The following ESPN variants were observed in gnomAD, a reference collection of about 807,000 sequenced individuals.
The protein encoded by ESPN is espin, also known as autosomal recessive deafness type 36 protein.
Under a neutral mutation model 77.7 loss-of-function variants are expected in ESPN, and 68 were observed. That is an observed-to-expected ratio of 0.87 (90% CI 0.72 to 1.07). ESPN has a LOEUF of 1.07. ESPN is among the 50% of genes least tolerant of loss of function. ESPN has a pLI of 0.00. For missense variants in ESPN, 1,060 were observed against 1,239.0 expected (o/e 0.86, Z 2.17); for synonymous variants, 449 against 567.1 (o/e 0.79, Z 2.96).
chr1:6,437,152 G>A lies in ESPN; in HGVS notation c.489-3102G>A, dbSNP rs1019907054. 13 of 152,216 alleles carry A rather than the reference G, an allele frequency of 8.5e-5. No homozygotes were observed. Among genetic ancestry groups the A allele is most frequent in the Non-Finnish European group, 1.3e-4 (9 of 68,042 alleles). 9.4% of individuals were successfully genotyped at this position (152,216 alleles called of 1,614,324 possible). On this transcript the variant is annotated intron_variant, in intron 2 of 12. Coordinates refer to ENST00000645284, the MANE Select transcript of ESPN (RefSeq NM_031475.3). This position sits in a 1 kb window ranked among gnomAD's most constrained non-coding sequence, Gnocchi z 4.5. ...GGGCTCATTCCGTGCCAGGAACTTGGGCTGGGAATGCCAGCCAGCGGCCCT... is the reference window on the plus strand; with the variant it reads ...GGGCTCATTCCGTGCCAGGAACTTGAGCTGGGAATGCCAGCCAGCGGCCCT...
Position 6,440,816 on chromosome 1 carries a change from C to T in ESPN, c.858+8C>T, listed in dbSNP as rs748677702. ...GAGAACGGGGAGCTAGAGGTCAGCG[C>T]GGGCCCGGGGTGGGGGCGCGCGCCC... On this transcript the variant is annotated splice_region_variant and intron_variant, in intron 4 of 12. Transcript: ENST00000645284. The T allele has an allele frequency of 8.4e-5, 124 of 1,478,450 alleles. No individual in the cohort carries two copies. The highest frequency in any genetic ancestry group is 1.1e-4 in the Non-Finnish European group (119 of 1,123,222). The allele number at this position is 1,478,450 out of a possible 1,614,324, so 91.6% of individuals were successfully genotyped here.
In ESPN at chr1:6,451,274, A is replaced by C; in HGVS notation, c.1916-329A>C. 4.8e-6 allele frequency: 2 copies of C among 415,330 alleles called. No individual in the cohort carries two copies. The highest frequency in any genetic ancestry group is 4.5e-6 in the Non-Finnish European group (1 of 220,748). 25.7% of individuals were successfully genotyped at this position (415,330 alleles called of 1,614,324 possible). A position where few individuals can be genotyped will look rare whatever the true frequency, so the allele number is the denominator to read the frequency against. On this transcript the variant is annotated intron_variant, in intron 8 of 12. Transcript: ENST00000645284. The surrounding 1 kb of genome is among the most constrained non-coding windows in gnomAD (Gnocchi z 4.3). ...AAAGGTCAGGTGGCTGATTCCAGGT[A>C]GTGTTTTGGAGCTGGGCAGTCAGTG...
chr1:6,448,839 C>T lies in ESPN; in HGVS notation c.1663C>T (p.Arg555Cys), dbSNP rs1415264042. ...CCAGCCCGCGCGCGCCGGCTGCCCG[C>T]GCCTCGGCCCTGCCGCCCGCGGCTC... ...ARQPARAGCP[R>C]LGPAARGSLE... Residue 555 changes from arginine to cysteine, a missense_variant, in exon 8 of 13, where the codon CGC becomes TGC. Arg to Cys is a radical substitution (Grantham distance 180). This residue lies in a region of ESPN where 130 missense variants were observed against 223.9 expected (regional missense o/e 0.58). Coordinates refer to ENST00000645284, the MANE Select transcript of ESPN (RefSeq NM_031475.3). 1.6e-6 allele frequency: 2 copies of T among 1,238,176 alleles called. No individual in the cohort carries two copies. The highest frequency in any genetic ancestry group is 1.6e-5 in the African/African-American group (1 of 63,624). The allele number at this position is 1,238,176 out of a possible 1,614,324, so 76.7% of individuals were successfully genotyped here. A position where few individuals can be genotyped will look rare whatever the true frequency, so the allele number is the denominator to read the frequency against.
rs574770313 is a variant in ESPN at position 6,452,450 on chromosome 1, G to A, written c.2325+354G>A. ...ATTACAGGCATGAACCACCGTGCCC[G>A]GCCATTTTCTTTAGGGAAAGCAGGG... On this transcript the variant is annotated intron_variant, in intron 10 of 12. Transcript: ENST00000645284. Among the ~76,000 whole-genome samples, 7 of 152,180 alleles carry A rather than the reference G, an allele frequency of 4.6e-5. No individual in the cohort carries two copies. The South Asian group carries it at 1.0e-3, about 23-fold the overall frequency.
At chr1:6,429,082 T>C (rs1197342463) in intron 2 of ESPN, among the ~76,000 whole-genome samples, 2 of 125,470 alleles carry the variant, frequency 1.6e-5, no homozygotes, top group East Asian at 5.5e-4. Flanking sequence ...GCAGGGGGCA[T>C]GTGTGAGTCT....
At chr1:6,430,301 A>G (rs1643194436) in intron 2 of ESPN, among the ~76,000 whole-genome samples, 1 of 152,176 alleles carries the variant, frequency 6.6e-6, no homozygotes, top group East Asian at 1.9e-4. Flanking sequence ...GGGCTCCCGG[A>G]CCTGCTGGTG....
At chr1:6,444,908 C>G (rs537670142) in intron 6 of ESPN, among the ~76,000 whole-genome samples, 60 of 152,294 alleles carry the variant, frequency 3.9e-4, no homozygotes, top group African/African-American at 9.6e-4. Flanking sequence ...TGTACTCTCC[C>G]CACCCACAAA....
chr1:6,457,046 C>A (rs1481123005), intron 10 of ESPN, 138 bp from the exon 11 acceptor site: 3 of 857,828 alleles, frequency 3.5e-6, no homozygotes, highest in South Asian at 1.5e-5. Context: ...TGTGACCAGG[C>A]ACCTCCATCC....
chr1:6,458,164 G>T (rs1271624524), intron 12 of ESPN, among the ~76,000 whole-genome samples: 1 of 151,820 alleles, frequency 6.6e-6, no homozygotes, highest in South Asian at 2.1e-4. Flanking sequence ...GATTACAAGC[G>T]TGTGCCACCA....
At chr1:6,426,618 A>G (rs1046868789) in intron 1 of ESPN, among the ~76,000 whole-genome samples, 3 of 152,174 alleles carry the variant, frequency 2.0e-5, no homozygotes, top group African/African-American at 7.2e-5. Context: ...GCCAGAGCCC[A>G]CAGGCCTGTG....
intron 2 of ESPN, among the ~76,000 whole-genome samples, chr1:6,436,562 T>C (rs187473520): frequency 1.3e-5 from 2 of 152,136 alleles, no homozygotes; most frequent in Admixed American, 6.5e-5. Flanking sequence ...TGGAGTACAG[T>C]GGTATGATCA....
chr1:6,454,376 G>A (rs1644010927), intron 10 of ESPN: 2 of 398,664 alleles, frequency 5.0e-6, no homozygotes, highest in South Asian at 1.3e-4. Flanking sequence ...GCGCCACGGC[G>A]GGAGCTAGGC....
chr1:6,433,422 C>T (rs935523028), intron 2 of ESPN, among the ~76,000 whole-genome samples: 2 of 151,658 alleles, frequency 1.3e-5, no homozygotes, highest in African/African-American at 2.4e-5. Context: ...CCAGCCTGGG[C>T]GACAGAGCAA....
At chr1:6,444,727 G>A in intron 6 of ESPN, 45 bp downstream of exon 6, 1 of 1,604,622 alleles carries the variant, frequency 6.2e-7, no homozygotes, top group South Asian at 1.1e-5. Flanking sequence ...GCAGACTGAA[G>A]CCAGACTGCT....
At chr1:6,436,056 C>T (rs1643426835) in intron 2 of ESPN, among the ~76,000 whole-genome samples, 1 of 152,144 alleles carries the variant, frequency 6.6e-6, no homozygotes, top group African/African-American at 2.4e-5. Flanking sequence ...GGGGCTGTGC[C>T]CCAGCAGCTG....
intron 2 of ESPN, among the ~76,000 whole-genome samples, chr1:6,431,414 G>A (rs1407097574): frequency 2.0e-5 from 3 of 152,060 alleles, no homozygotes; most frequent in Non-Finnish European, 4.4e-5. Context: ...TTCAAAACCA[G>A]CCTGACCAAC....
At chr1:6,434,510 C>A (rs1643362767) in intron 2 of ESPN, among the ~76,000 whole-genome samples, 1 of 152,148 alleles carries the variant, frequency 6.6e-6, no homozygotes, top group Admixed American at 6.5e-5. Context: ...TAGCTCATTG[C>A]ATGTGACCCT....
chr1:6,443,672 C>T (rs1643725812), intron 5 of ESPN, among the ~76,000 whole-genome samples: 1 of 152,240 alleles, frequency 6.6e-6, no homozygotes, highest in Non-Finnish European at 1.5e-5. Flanking sequence ...CACAGAGCCC[C>T]TAATTACGGG....
intron 10 of ESPN, among the ~76,000 whole-genome samples, chr1:6,453,018 G>A (rs976707834): frequency 7.9e-5 from 12 of 151,992 alleles, no homozygotes; most frequent in Non-Finnish European, 1.6e-4. Flanking sequence ...TCAGCCTCCC[G>A]AGTAGCTGGG....
Sources: gnomAD v4.1 joint callset for allele counts (sites outside exome capture counted in the v4.1 genomes callset) on GRCh38, gnomAD v4.1.1 for gene constraint, gnomAD v4.1.1 regional missense constraint, Gnocchi (gnomAD v3.1) non-coding constraint, MANE v1.5 for transcripts, NCBI Gene and HGNC (gene_info 2026-07-23, HGNC 2026-07-21) for gene names.